The following PCDHA8 variants were observed in gnomAD, a reference collection of about 807,000 sequenced individuals.
PCDHA8 encodes protocadherin alpha 8.
Under a neutral mutation model 61.8 loss-of-function variants are expected in PCDHA8, and 53 were observed. The ratio of observed to expected loss-of-function variants is 0.86; its 90% CI spans 0.69 to 1.08. PCDHA8 has a LOEUF of 1.08. PCDHA8 is among the 50% of genes least tolerant of loss of function. The pLI is 0.00. For synonymous variants in PCDHA8, 618 were observed against 556.6 expected, an observed-to-expected ratio of 1.11 and a Z score of -1.55; for missense variants, 1,293 against 1,245.0, an observed-to-expected ratio of 1.04 and a Z score of -0.58.
chr5:140,969,704 T>G (rs1317094729), intron 1 of PCDHA8, among the ~76,000 whole-genome samples: 10 of 152,172 alleles, frequency 6.6e-5, no homozygotes, highest in African/African-American at 2.4e-4. Flanking sequence ...TGCTGTATCA[T>G]CTACAGGGAA....
At chr5:140,872,232 G>A (rs2053558420) in intron 1 of PCDHA8, among the ~76,000 whole-genome samples, 1 of 149,716 alleles carries the variant, frequency 6.7e-6, no homozygotes, top group South Asian at 2.1e-4. Flanking sequence ...CTTTACTTTT[G>A]TCTTTATTCC....
Position 140,856,345 on chromosome 5 carries a change from G to C in PCDHA8, c.2394+12630G>C, listed in dbSNP as rs1347690443. The C allele has an allele frequency of 8.8e-6, 14 of 1,598,640 alleles. 1 individual carries two copies. The highest frequency in any genetic ancestry group is 1.2e-5 in the Non-Finnish European group (14 of 1,168,012). ...GCGAGGAGCTGTGCGGGCGGAGCGT[G>C]GAGTGCAGCATCCACCTGGAGGTGA... is the stretch of plus-strand genomic sequence containing the variant. On this transcript the variant is annotated intron_variant, in intron 1 of 3. Transcript: ENST00000531613.
intron 1 of PCDHA8, chr5:140,875,466 T>A (rs782683106): frequency 2.4e-5 from 39 of 1,599,908 alleles, no homozygotes; most frequent in Admixed American, 1.2e-4. Flanking sequence ...GGCCCTCATT[T>A]TCTGCAATGG....
At chr5:140,867,906 T>C (rs1183238322) in intron 1 of PCDHA8, 1 of 152,148 alleles carries the variant, frequency 6.6e-6, no homozygotes, top group African/African-American at 2.4e-5. Context: ...TTACAGAAGG[T>C]ATAATTAAAA....
At chr5:140,934,660 C>T (rs139449604) in intron 1 of PCDHA8, among the ~76,000 whole-genome samples, 2 of 152,152 alleles carry the variant, frequency 1.3e-5, no homozygotes, top group African/African-American at 2.4e-5. Flanking sequence ...TGATTCTTCC[C>T]CTTTGTTTAG....
At chr5:141,006,382 T>A (rs2098271166) in intron 3 of PCDHA8, among the ~76,000 whole-genome samples, 1 of 151,910 alleles carries the variant, frequency 6.6e-6, no homozygotes, top group African/African-American at 2.4e-5. Context: ...CGGCTAAGTT[T>A]TTTCTATTTT....
chr5:140,952,546 C>T (rs1449369285), intron 1 of PCDHA8, among the ~76,000 whole-genome samples: 1 of 152,108 alleles, frequency 6.6e-6, no homozygotes, highest in African/African-American at 2.4e-5. Flanking sequence ...CTTCTTTGTC[C>T]ATTTCACTAT....
chr5:140,894,886 G>T (rs2153448289), intron 1 of PCDHA8, among the ~76,000 whole-genome samples: 1 of 152,202 alleles, frequency 6.6e-6, no homozygotes, highest in South Asian at 2.1e-4. Flanking sequence ...AGAAGAAACA[G>T]ACCAGGATAA....
intron 1 of PCDHA8, chr5:140,850,369 G>A (rs2041555140): frequency 1.3e-6 from 2 of 1,597,806 alleles, no homozygotes; most frequent in Admixed American, 1.7e-5. Context: ...TTCCGCGTGG[G>A]GCTGTACACG....
At chr5:140,965,827 A>G (rs2095939185) in intron 1 of PCDHA8, among the ~76,000 whole-genome samples, 1 of 152,172 alleles carries the variant, frequency 6.6e-6, no homozygotes, top group Non-Finnish European at 1.5e-5. Context: ...TAAACATTTA[A>G]ATATTGGTTA....
rs186574903 is a variant in PCDHA8, at chr5:140,898,271, A to T, written c.2394+54556A>T. On this transcript the variant is annotated intron_variant, in intron 1 of 3. Transcript: ENST00000531613. The stretch of plus-strand genomic sequence containing the variant: ...AGACATGAAGTCCTTGCCCATGCCT[A>T]AGTTCTGAATGGTAATGCCTAGGTT... 4.6e-3 allele frequency among the ~76,000 whole-genome samples: 703 copies of T among 152,290 alleles called. 3 individuals carry two copies. The highest frequency in any genetic ancestry group is 0.016 in the African/African-American group (680 of 41,550).
At chr5:140,884,181 A>G in intron 1 of PCDHA8, 1 of 1,613,332 alleles carries the variant, frequency 6.2e-7, no homozygotes, top group Non-Finnish European at 8.5e-7. Context: ...CGCCCTCTGG[A>G]CGAGGTGGAC....
chr5:140,923,313 C>T (rs1428494241), intron 1 of PCDHA8, among the ~76,000 whole-genome samples: 1 of 152,074 alleles, frequency 6.6e-6, no homozygotes, highest in African/African-American at 2.4e-5. Flanking sequence ...GGGCGCTTGG[C>T]CTAGAAGTTC....
chr5:140,858,108 C>T (rs781859966), intron 1 of PCDHA8: 1 of 1,597,706 alleles, frequency 6.3e-7, no homozygotes, highest in South Asian at 1.1e-5. Context: ...GGCGTGGCGC[C>T]CGAGGTGGCC....
chr5:140,860,740 T>G (rs934240513), intron 1 of PCDHA8: 1 of 152,266 alleles, frequency 6.6e-6, no homozygotes, highest in Non-Finnish European at 1.5e-5. Context: ...TTTTGTTTTT[T>G]ATTTTTTATT....
intron 1 of PCDHA8, chr5:140,870,012 C>T (rs2051581500): frequency 6.2e-7 from 1 of 1,613,354 alleles, no homozygotes; most frequent in African/African-American, 1.3e-5. Context: ...AAGTGAGGGT[C>T]AATGGAACTT....
rs369162861 is a variant in PCDHA8 at position 140,870,379 on chromosome 5, G to T, written c.2394+26664G>T. ...GTGGGCCTATGAACTGGTGGTGACT[G>T]CGCGGGATGGGGGTTCGCCTTCTCT... On this transcript the variant is annotated intron_variant, in intron 1 of 3. Coordinates refer to ENST00000531613, the MANE Select transcript of PCDHA8 (RefSeq NM_018911.3). The T allele has an allele frequency of 8.1e-6, 13 of 1,614,100 alleles. No homozygotes were observed. In the African/African-American group the frequency reaches 1.7e-4, roughly 22 times the overall value.
chr5:141,011,435 T>C lies in PCDHA8; in HGVS notation c.*1498T>C, dbSNP rs781837801. ...TGTGAATGTTAATGCAACTATTACC[T>C]AGAGTGAACTTTAAGCTTTATTGTT... On this transcript the variant is annotated 3_prime_UTR_variant, in exon 4 of 4. Coordinates refer to ENST00000531613, the MANE Select transcript of PCDHA8 (RefSeq NM_018911.3). 3 of 153,818 alleles carry C rather than the reference T, an allele frequency of 2.0e-5. No individual in the cohort carries two copies. The highest frequency in any genetic ancestry group is 4.4e-5 in the Non-Finnish European group (3 of 68,050). The allele number at this position is 153,818 out of a possible 1,614,324, so 9.5% of individuals were successfully genotyped here.
At chr5:140,850,038 G>C (rs2150464728) in intron 1 of PCDHA8, 1 of 1,596,736 alleles carries the variant, frequency 6.3e-7, no homozygotes, top group East Asian at 2.2e-5. Flanking sequence ...CGCGGAGAGC[G>C]GCAAGGTGTA....
Sources: allele counts gnomAD v4.1 joint callset (sites outside exome capture counted in the v4.1 genomes callset), GRCh38; gene constraint gnomAD v4.1.1; transcripts MANE v1.5; gene names NCBI Gene and HGNC (gene_info 2026-07-23, HGNC 2026-07-21).